HEATR1: variants seen among roughly 807,000 people sequenced by gnomAD.
The protein encoded by HEATR1 is HEAT repeat-containing protein 1.
Under a neutral mutation model 248.2 loss-of-function variants are expected in HEATR1, and 77 were observed. The observed-to-expected ratio is 0.31, with a 90% CI of 0.26 to 0.37. The LOEUF (loss-of-function observed/expected upper bound fraction) is 0.37, where lower values mean the gene tolerates loss of function less well. Among genes scored for constraint, HEATR1 ranks in the 10% least tolerant of loss-of-function variants. The probability of loss-of-function intolerance (pLI) is 1.00; values close to 1 mark genes in which losing one functional copy is unlikely to be tolerated. For missense variants in HEATR1, 2,420 were observed against 2,504.9 expected (o/e 0.97, Z 0.72); for synonymous variants, 897 against 923.1 (o/e 0.97, Z 0.51).
intron 35 of HEATR1, 68 bp from the exon 36 acceptor site, chr1:236,558,597 T>A: frequency 6.8e-7 from 1 of 1,471,982 alleles, no homozygotes; most frequent in Non-Finnish European, 9.3e-7. Flanking sequence ...TTTCCCATTG[T>A]CACAGCTTGA....
rs1349166821 is a variant in HEATR1, at chr1:236,549,594, T to A, written c.*1308A>T. The A allele has an allele frequency of 6.6e-6, 1 of 152,238 alleles. No individual in the cohort carries two copies. The highest frequency in any genetic ancestry group is 1.5e-5 in the Non-Finnish European group (1 of 68,054). 9.4% of individuals were successfully genotyped at this position (152,238 alleles called of 1,614,324 possible). A position where few individuals can be genotyped will look rare whatever the true frequency, so the allele number is the denominator to read the frequency against. The stretch of plus-strand genomic sequence containing the variant: ...ATTCTTTTCCAGCTTTTCATATTAA[T>A]GTATGCAGAGTCTCACCAAGCTCAA... On this transcript the variant is annotated 3_prime_UTR_variant, in exon 45 of 45. Coordinates refer to ENST00000366582, the MANE Select transcript of HEATR1 (RefSeq NM_018072.6).
In HEATR1 at chr1:236,556,269, A is replaced by G; in HGVS notation, c.5356-11T>C. 6.2e-7 allele frequency: 1 copy of G among 1,613,874 alleles called. No individual in the cohort carries two copies. The highest frequency in any genetic ancestry group is 8.5e-7 in the Non-Finnish European group (1 of 1,179,804). ...CTCCAGATGAATCACCTACAGGAAT[A>G]TAAAAAAAGTGATCAGGGCCACTGC... On this transcript the variant is annotated splice_polypyrimidine_tract_variant and intron_variant, in intron 37 of 44. Transcript: ENST00000366582.
chr1:236,587,113 G>C (rs1357636654), intron 14 of HEATR1, among the ~76,000 whole-genome samples: 1 of 152,038 alleles, frequency 6.6e-6, no homozygotes, highest in East Asian at 1.9e-4. Flanking sequence ...CAGCAAATTA[G>C]AAAGTCCTAC....
chr1:236,568,995 C>T lies in HEATR1; in HGVS notation c.4077+1G>A. 1 of 1,568,504 alleles carries T rather than the reference C, an allele frequency of 6.4e-7. No individual in the cohort carries two copies. Among genetic ancestry groups the T allele is most frequent in the Non-Finnish European group, 8.6e-7 (1 of 1,161,668 alleles). ...CCCACGATGGTATAAAGAGACCTTA[C>T]CTGAATAAGTGCGGGAATAACCATT... is the stretch of plus-strand genomic sequence containing the variant. On this transcript the variant is annotated splice_donor_variant, in intron 29 of 44. Coordinates refer to ENST00000366582, the MANE Select transcript of HEATR1 (RefSeq NM_018072.6). LOFTEE classifies it high-confidence loss of function.
In HEATR1 at chr1:236,553,607, G is replaced by A. The variant is rs1662849041; in HGVS notation, c.6211C>T (p.Leu2071=). The change falls in exon 43 of 45, where the codon CTA becomes TTA. Residue 2071 remains leucine (L), a synonymous_variant. Transcript: ENST00000366582. ...LWKPLNYQIL[L]KTRDSSPKVR... is the part of the protein sequence containing the mutation. Reference sequence around the variant, plus strand: ...TTAGGCGAGGAGTCTCTCGTCTTTAGCAGAATCTGGTAGTTCAGTGGTTTC... The same window carrying A: ...TTAGGCGAGGAGTCTCTCGTCTTTAACAGAATCTGGTAGTTCAGTGGTTTC... The A allele has an allele frequency of 6.2e-7, 1 of 1,613,828 alleles. No homozygotes were observed. The highest frequency in any genetic ancestry group is 8.5e-7 in the Non-Finnish European group (1 of 1,179,904).
chr1:236,576,126 C>A, intron 22 of HEATR1, 93 bp downstream of exon 22: 1 of 951,160 alleles, frequency 1.1e-6, no homozygotes, highest in Non-Finnish European at 1.5e-6. Context: ...CGCACACATG[C>A]AACTCTTACA....
rs749246965 is a variant in HEATR1 at position 236,581,316 on chromosome 1, T to C, written c.2661A>G (p.Thr887=). 1 of 1,613,346 alleles carries C rather than the reference T, an allele frequency of 6.2e-7. No homozygotes were observed. Among genetic ancestry groups the C allele is most frequent in the African/African-American group, 1.3e-5 (1 of 74,954 alleles). The change falls in exon 20 of 45, where the codon ACA becomes ACG. Residue 887 remains threonine (T), a synonymous_variant. Transcript: ENST00000366582. ...LSNPLNCSVK[T]VLQTQALYVG... ...CATAAAGAGCTTGAGTCTGCAGCAC[T>C]GTTTTCACACTGCAGTTTAGTGGAT...
chr1:236,592,441 A>C (rs1008222404), intron 10 of HEATR1, 82 bp downstream of exon 10: 1 of 692,664 alleles, frequency 1.4e-6, no homozygotes, highest in Non-Finnish European at 2.6e-6. Flanking sequence ...ACAATTCAGT[A>C]TATTAAGATG....
chr1:236,590,758 A>G, intron 12 of HEATR1, 89 bp downstream of exon 12: 1 of 512,626 alleles, frequency 2.0e-6, no homozygotes, highest in Non-Finnish European at 3.3e-6. Context: ...ATCATTACCC[A>G]CTTAGGTGGT....
chr1:236,587,568 A>G, intron 13 of HEATR1, 78 bp from the exon 14 acceptor site: 1 of 569,202 alleles, frequency 1.8e-6, no homozygotes, highest in Non-Finnish European at 2.9e-6. Flanking sequence ...CGAATTTTAA[A>G]AAGAATGAAT....
At chr1:236,561,343 T>C (rs745476088) in intron 32 of HEATR1, 72 bp from the exon 33 acceptor site, 4 of 1,201,226 alleles carry the variant, frequency 3.3e-6, no homozygotes, top group Non-Finnish European at 4.9e-6. Flanking sequence ...GTCAGTTCAA[T>C]GAAACTCGGA....
At chr1:236,595,433 T>C in intron 8 of HEATR1, 107 bp downstream of exon 8, 1 of 934,738 alleles carries the variant, frequency 1.1e-6, no homozygotes, top group Admixed American at 3.3e-5. Flanking sequence ...CAAGAACAAC[T>C]GGAAAACAGA....
chr1:236,582,805 C>T lies in HEATR1; in HGVS notation c.2493G>A (p.Gly831=). Residue 831 remains glycine, a synonymous_variant, in exon 19 of 45, where the codon GGG becomes GGA. Transcript: ENST00000366582. The stretch of plus-strand genomic sequence containing the variant: ...CACCATTGAGCATCATCTCAAACAG[C>T]CCAATGAGCAAGTGCAGATAGTCCC... ...DSRDYLHLLI[G]LFEMMLNGAD... is the part of the protein sequence containing the mutation. 1.2e-6 allele frequency: 2 copies of T among 1,614,080 alleles called. No individual in the cohort carries two copies. Among genetic ancestry groups the T allele is most frequent in the East Asian group, 2.2e-5 (1 of 44,878 alleles).
At chr1:236,586,066 GAT>G in intron 15 of HEATR1, 125 bp from the exon 16 acceptor site, 1 of 1,336,514 alleles carries the variant, frequency 7.5e-7, no homozygotes, top group Non-Finnish European at 1.0e-6. Flanking sequence ...CCTTGTATCC[GAT>G]TCTGAATTTG....
intron 31 of HEATR1, among the ~76,000 whole-genome samples, chr1:236,564,895 A>G (rs1425444973): frequency 2.0e-5 from 3 of 152,200 alleles, no homozygotes; most frequent in Non-Finnish European, 4.4e-5. Flanking sequence ...ACAAAAAACA[A>G]AACAGGGAAA....
intron 37 of HEATR1, among the ~76,000 whole-genome samples, chr1:236,556,839 T>A (rs2250966): frequency 0.71 from 107,344 of 151,968 alleles, 38,149 homozygotes; most frequent in Non-Finnish European, 0.72. Flanking sequence ...CTTAGGATTA[T>A]ACCTCTCACA....
At position 236,558,322 on chromosome 1, in the gene HEATR1, C is replaced by T; in HGVS notation, c.5119G>A (p.Glu1707Lys). 1.2e-6 allele frequency: 2 copies of T among 1,614,074 alleles called. No homozygotes were observed. The highest frequency in any genetic ancestry group is 1.1e-5 in the South Asian group (1 of 91,080). The part of the protein sequence containing the change: ...VKLIAPERKE[E>K]KNVLGSALLC... ...AGCGCGCTTCCCAGGACATTCTTCT[C>T]CTCCTTTCTCTCTGGAGCAATCAGT... is the stretch of plus-strand genomic sequence containing the variant. The change falls in exon 36 of 45, where the codon GAG becomes AAG. Residue 1707 changes from glutamate to lysine, a missense_variant. Transcript: ENST00000366582.
At chr1:236,563,095 CTTCAT>C (rs1202548264) in intron 32 of HEATR1, among the ~76,000 whole-genome samples, 1 of 152,146 alleles carries the variant, frequency 6.6e-6, no homozygotes. Context: ...GATTCTTACA[CTTCAT>C]TTCTTTTCCT....
chr1:236,550,883 T>C lies in HEATR1; in HGVS notation c.*19A>G, dbSNP rs754890890. On this transcript the variant is annotated 3_prime_UTR_variant, in exon 45 of 45. Coordinates refer to ENST00000366582, the MANE Select transcript of HEATR1 (RefSeq NM_018072.6). ...ATGAGTGTGAACTCTGAGTAGAGTA[T>C]GAAACACCACAGAAAGTCTTAGAAA... 5 of 1,563,076 alleles carry C rather than the reference T, an allele frequency of 3.2e-6. No homozygotes were observed. Among genetic ancestry groups the C allele is most frequent in the Non-Finnish European group, 4.3e-6 (5 of 1,154,666 alleles).
Sources: gnomAD v4.1 joint callset for allele counts (sites outside exome capture counted in the v4.1 genomes callset) on GRCh38, gnomAD v4.1.1 for gene constraint, MANE v1.5 for transcripts, NCBI Gene and HGNC (gene_info 2026-07-23, HGNC 2026-07-21) for gene names.